The following UBE2R2 variants were observed in gnomAD, a reference collection of about 807,000 sequenced individuals.
The protein encoded by UBE2R2 is ubiquitin conjugating enzyme E2 R2.
Under a neutral mutation model 27.8 loss-of-function variants are expected in UBE2R2, and 1 was observed. The ratio of observed to expected loss-of-function variants is 0.04; its 90% CI spans 0.01 to 0.17. The LOEUF is 0.17. Among genes scored for constraint, UBE2R2 ranks in the 10% least tolerant of loss-of-function variants. The pLI is 1.00. For synonymous variants in UBE2R2, 106 were observed against 113.3 expected, an observed-to-expected ratio of 0.94 and a Z score of 0.41; for missense variants, 100 against 291.0, an observed-to-expected ratio of 0.34 and a Z score of 4.78.
At chr9:33,860,215 T>C (rs1240283760) in intron 1 of UBE2R2, among the ~76,000 whole-genome samples, 3 of 152,246 alleles carry the variant, frequency 2.0e-5, no homozygotes, top group Non-Finnish European at 4.4e-5. Flanking sequence ...AGGCAAAATA[T>C]TGATACACAA....
intron 1 of UBE2R2, among the ~76,000 whole-genome samples, chr9:33,875,545 A>C (rs1419611309): frequency 6.6e-6 from 1 of 152,186 alleles, no homozygotes; most frequent in Non-Finnish European, 1.5e-5. Context: ...AGTTTGGGCA[A>C]CATAGTGAGA....
At chr9:33,913,021 T>G (rs527244090) in intron 4 of UBE2R2, among the ~76,000 whole-genome samples, 5 of 152,134 alleles carry the variant, frequency 3.3e-5, no homozygotes, top group Non-Finnish European at 4.4e-5. Context: ...AGTGCAGTGG[T>G]GTGATCTCGG....
At chr9:33,847,747 A>AT (rs367991925) in intron 1 of UBE2R2, among the ~76,000 whole-genome samples, 9,127 of 104,938 alleles carry the variant, frequency 0.087, 462 homozygotes, top group Non-Finnish European at 0.11. Context: ...TTGACCTGAA[A>AT]TTTTTTTTTT....
rs574892511 is a variant in UBE2R2 at position 33,858,813 on chromosome 9, T to C, written c.178-28068T>C. On this transcript the variant is annotated intron_variant, in intron 1 of 4. Transcript: ENST00000263228. The stretch of plus-strand genomic sequence containing the variant: ...TTACATTTCAGTTTATGGAGGAGTT[T>C]GTTTTGTTTTGTTTTGTTTTGTTTT... Among the ~76,000 whole-genome samples, 39 of 151,342 alleles carry C rather than the reference T, an allele frequency of 2.6e-4. 1 individual carries two copies. In the East Asian group the frequency reaches 7.4e-3, roughly 29 times the overall value.
At chr9:33,864,116 C>T (rs1055581077) in intron 1 of UBE2R2, among the ~76,000 whole-genome samples, 2 of 152,080 alleles carry the variant, frequency 1.3e-5, no homozygotes, top group African/African-American at 4.8e-5. Flanking sequence ...TAGGAGCCAC[C>T]ATGTCTGGCC....
At chr9:33,862,812 T>G (rs967552420) in intron 1 of UBE2R2, among the ~76,000 whole-genome samples, 1 of 152,316 alleles carries the variant, frequency 6.6e-6, no homozygotes, top group Non-Finnish European at 1.5e-5. Context: ...CTTTAACATA[T>G]AAACAGTATG....
intron 1 of UBE2R2, among the ~76,000 whole-genome samples, chr9:33,882,514 A>G (rs1182018498): frequency 1.3e-5 from 2 of 152,032 alleles, no homozygotes; most frequent in Non-Finnish European, 2.9e-5. Flanking sequence ...TGAACTCCTG[A>G]CCTCGTGATC....
At chr9:33,894,097 C>T (rs1822044798) in intron 2 of UBE2R2, among the ~76,000 whole-genome samples, 1 of 151,964 alleles carries the variant, frequency 6.6e-6, no homozygotes, top group South Asian at 2.1e-4. Context: ...TGTGTGTGTT[C>T]CAGTTTCTTT....
At chr9:33,829,798 T>TG (rs1820407848) in intron 1 of UBE2R2, among the ~76,000 whole-genome samples, 1 of 150,242 alleles carries the variant, frequency 6.7e-6, no homozygotes, top group African/African-American at 2.4e-5. Flanking sequence ...CAATCGTTTT[T>TG]TTTTTTTTTT....
chr9:33,911,423 A>AAAC (rs1822486419), intron 3 of UBE2R2, among the ~76,000 whole-genome samples: 1 of 145,848 alleles, frequency 6.9e-6, no homozygotes, highest in African/African-American at 2.5e-5. Flanking sequence ...AAAAAAAAAA[A>AAAC]AAAAAAAAAA....
At chr9:33,849,049 G>A (rs1290591191) in intron 1 of UBE2R2, among the ~76,000 whole-genome samples, 1 of 151,808 alleles carries the variant, frequency 6.6e-6, no homozygotes, top group African/African-American at 2.4e-5. Flanking sequence ...CTGAGGTTGG[G>A]AGTTCGAGAC....
Position 33,817,796 on chromosome 9 carries a change from G to A in UBE2R2, c.39G>A (p.Leu13=). ...AGATGACCAGCTCGCAGAAGGCCCTGATGCTCGAGCTGAAATCCCTGCAGG... is the reference window on the plus strand; with the variant it reads ...AGATGACCAGCTCGCAGAAGGCCCTAATGCTCGAGCTGAAATCCCTGCAGG... The part of the protein sequence containing the change: ...QQQMTSSQKA[L]MLELKSLQEE... The change falls in exon 1 of 5, where the codon CTG becomes CTA. Residue 13 remains leucine, a synonymous_variant. Coordinates refer to ENST00000263228, the MANE Select transcript of UBE2R2 (RefSeq NM_017811.4). 1 of 1,609,752 alleles carries A rather than the reference G, an allele frequency of 6.2e-7. No homozygotes were observed. Among genetic ancestry groups the A allele is most frequent in the South Asian group, 1.1e-5 (1 of 90,636 alleles).
chr9:33,846,083 G>GC (rs1203700620), intron 1 of UBE2R2, among the ~76,000 whole-genome samples: 1 of 148,488 alleles, frequency 6.7e-6, no homozygotes, highest in Non-Finnish European at 1.5e-5. Context: ...CCAAGATCAC[G>GC]CCACTGCCCT....
chr9:33,855,524 AAATCCAAGTTC>A (rs1441750857), intron 1 of UBE2R2, among the ~76,000 whole-genome samples: 4 of 152,188 alleles, frequency 2.6e-5, no homozygotes, highest in African/African-American at 9.7e-5. Context: ...GAAATAATGG[AAATCCAAGTTC>A]GATTCAAGTT....
intron 1 of UBE2R2, among the ~76,000 whole-genome samples, chr9:33,846,213 T>A (rs1368690824): frequency 6.6e-6 from 1 of 152,016 alleles, no homozygotes; most frequent in Non-Finnish European, 1.5e-5. Flanking sequence ...GGGGAATCAC[T>A]TGAACCCAGG....
chr9:33,827,619 C>T (rs140937693), intron 1 of UBE2R2, among the ~76,000 whole-genome samples: 281 of 150,674 alleles, frequency 1.9e-3, no homozygotes, highest in Non-Finnish European at 3.6e-3. Flanking sequence ...CCAGCCTGGG[C>T]AACAAGAGTG....
rs79630216 is a variant in UBE2R2 at position 33,852,523 on chromosome 9, C to A, written c.178-34358C>A. Among the ~76,000 whole-genome samples the A allele has an allele frequency of 3.4e-4, 51 of 152,212 alleles. No homozygotes were observed. In the East Asian group the frequency reaches 9.5e-3, roughly 28 times the overall value. On this transcript the variant is annotated intron_variant, in intron 1 of 4. Transcript: ENST00000263228. ...AGGTATGGTTAGTTGATGCCAAGTT[C>A]TTTGGCACAATCCTGGGAGATTGGG...
chr9:33,878,317 G>T (rs1316748929), intron 1 of UBE2R2, among the ~76,000 whole-genome samples: 1 of 152,086 alleles, frequency 6.6e-6, no homozygotes, highest in African/African-American at 2.4e-5. Flanking sequence ...TGAGGCAGTT[G>T]TAAGTAAAGG....
intron 1 of UBE2R2, among the ~76,000 whole-genome samples, chr9:33,838,265 GT>G (rs540185934): frequency 0.11 from 13,876 of 126,282 alleles, 750 homozygotes; most frequent in Non-Finnish European, 0.13. Flanking sequence ...TTTTTTTACT[GT>G]TTTTTTTTTC....
Sources: gnomAD v4.1 joint callset for allele counts (sites outside exome capture counted in the v4.1 genomes callset) on GRCh38, gnomAD v4.1.1 for gene constraint, MANE v1.5 for transcripts, NCBI Gene and HGNC (gene_info 2026-07-23, HGNC 2026-07-21) for gene names.